Variants in EFCAB11 observed in about 807,000 individuals in gnomAD.
EFCAB11 encodes the protein EF-hand calcium binding domain 11, also known as EF-hand calcium-binding domain-containing protein 11.
In EFCAB11, 14 loss-of-function variants were observed where a neutral mutation model predicts 23.0. That is an observed-to-expected ratio of 0.61 (90% CI 0.40 to 0.95). The LOEUF is 0.95. Ranked by LOEUF, EFCAB11 falls within the 40% of genes least tolerant of loss-of-function variation. The pLI is 0.00. For missense variants in EFCAB11, 198 were observed against 195.8 expected, an observed-to-expected ratio of 1.01 and a Z score of -0.07; for synonymous variants, 65 against 66.6, an observed-to-expected ratio of 0.98 and a Z score of 0.11.
chr14:89,950,759 G>A lies in EFCAB11; in HGVS notation c.172-617C>T, dbSNP rs114119012. Among the ~76,000 whole-genome samples, 457 of 152,142 alleles carry A rather than the reference G, an allele frequency of 3.0e-3. 2 individuals are homozygous for A. The highest frequency in any genetic ancestry group is 0.01 in the African/African-American group (425 of 41,522). ...ACACTGTTACAAGGGCTTTATAAAC[G>A]TTATAGTATTAGAGCCTTCGCAGCA... is the stretch of plus-strand genomic sequence containing the variant. On this transcript the variant is annotated intron_variant, in intron 2 of 5. Coordinates refer to ENST00000316738, the MANE Select transcript of EFCAB11 (RefSeq NM_145231.4).
rs1381304338 is a variant in EFCAB11, at chr14:89,932,601, T to C, written c.244A>G (p.Ile82Val). ...SGILLEGFLN[I>V]VRKKKEAQRY... is the part of the protein sequence containing the mutation. Reference sequence around the variant, plus strand: ...TGAGCTTCCTTCTTTTTCCTGACAATATTTAAAAACCCCTCGAGTAATATA... The same window carrying C: ...TGAGCTTCCTTCTTTTTCCTGACAACATTTAAAAACCCCTCGAGTAATATA... The change falls in exon 4 of 6, where the codon ATT (isoleucine) becomes GTT (valine). Residue 82 changes from isoleucine to valine, a missense_variant. Transcript: ENST00000316738. 11 of 1,613,654 alleles carry C rather than the reference T, an allele frequency of 6.8e-6. No individual in the cohort carries two copies. The highest frequency in any genetic ancestry group is 6.8e-6 in the Non-Finnish European group (8 of 1,179,894).
At chr14:89,849,631 A>T (rs1479084288) in intron 5 of EFCAB11, among the ~76,000 whole-genome samples, 5 of 128,660 alleles carry the variant, frequency 3.9e-5, no homozygotes, top group African/African-American at 6.1e-5. Context: ...TTGGTAAGAT[A>T]CTCTTATTGC....
chr14:89,895,797 A>G (rs1324274260), intron 5 of EFCAB11, among the ~76,000 whole-genome samples: 3 of 152,248 alleles, frequency 2.0e-5, no homozygotes, highest in African/African-American at 4.8e-5. Context: ...TCATAAATTT[A>G]ACCAAACTAA....
At chr14:89,846,293 C>G (rs1368863170) in intron 5 of EFCAB11, among the ~76,000 whole-genome samples, 1 of 152,102 alleles carries the variant, frequency 6.6e-6, no homozygotes, top group Non-Finnish European at 1.5e-5. Flanking sequence ...GATGAACATA[C>G]TAAGAAAAAG....
At chr14:89,941,263 A>G (rs1259796989) in intron 3 of EFCAB11, among the ~76,000 whole-genome samples, 3 of 152,198 alleles carry the variant, frequency 2.0e-5, no homozygotes, top group South Asian at 2.1e-4. Context: ...CCAGAACCAA[A>G]TTTGAAATTA....
chr14:89,940,494 A>C (rs1890752842), intron 3 of EFCAB11, among the ~76,000 whole-genome samples: 1 of 152,242 alleles, frequency 6.6e-6, no homozygotes, highest in Non-Finnish European at 1.5e-5. Flanking sequence ...CCAACTGACC[A>C]TTAACCTACT....
intron 5 of EFCAB11, 126 bp from the exon 6 acceptor site, chr14:89,797,450 G>A: frequency 1.4e-6 from 1 of 714,690 alleles, no homozygotes; most frequent in Non-Finnish European, 2.2e-6. Flanking sequence ...TCTACTTGAA[G>A]GCTGAGATTG....
intron 3 of EFCAB11, among the ~76,000 whole-genome samples, chr14:89,941,596 T>C (rs75360432): frequency 6.6e-6 from 1 of 151,632 alleles, no homozygotes; most frequent in African/African-American, 2.4e-5. Flanking sequence ...TTTTTTTTTT[T>C]TCAGAGATAT....
At chr14:89,803,148 T>C (rs1289657077) in intron 5 of EFCAB11, among the ~76,000 whole-genome samples, 2 of 152,212 alleles carry the variant, frequency 1.3e-5, no homozygotes, top group East Asian at 1.9e-4. Flanking sequence ...ATCACCCCAG[T>C]TGACAACCAT....
chr14:89,854,120 T>C (rs966059280), intron 5 of EFCAB11, among the ~76,000 whole-genome samples: 9 of 150,812 alleles, frequency 6.0e-5, no homozygotes, highest in South Asian at 2.1e-4. Flanking sequence ...TCAACACCCA[T>C]ATGGAAAAAG....
intron 5 of EFCAB11, among the ~76,000 whole-genome samples, chr14:89,891,973 G>A (rs1888984644): frequency 6.6e-6 from 1 of 152,140 alleles, no homozygotes; most frequent in South Asian, 2.1e-4. Flanking sequence ...GGGCTGGGCC[G>A]CGGGTCAAGC....
At chr14:89,825,267 G>C (rs1289308547) in intron 5 of EFCAB11, among the ~76,000 whole-genome samples, 1 of 151,954 alleles carries the variant, frequency 6.6e-6, no homozygotes, top group Non-Finnish European at 1.5e-5. Context: ...GAAAATTCAA[G>C]AAAAATTAGA....
intron 5 of EFCAB11, among the ~76,000 whole-genome samples, chr14:89,885,435 T>C (rs2140180667): frequency 6.6e-6 from 1 of 152,064 alleles, no homozygotes; most frequent in Admixed American, 6.6e-5. Context: ...TCCCAGCACT[T>C]TGGAAGTCTG....
intron 5 of EFCAB11, among the ~76,000 whole-genome samples, chr14:89,909,862 T>C (rs1889616154): frequency 6.6e-6 from 1 of 152,174 alleles, no homozygotes; most frequent in African/African-American, 2.4e-5. Context: ...CCCTCCCTCC[T>C]TCCCTGGCTA....
chr14:89,799,666 C>A (rs981875567), intron 5 of EFCAB11, among the ~76,000 whole-genome samples: 1 of 152,020 alleles, frequency 6.6e-6, no homozygotes, highest in Admixed American at 6.5e-5. Flanking sequence ...CCTCCCACCC[C>A]CCAACCCTGA....
intron 5 of EFCAB11, among the ~76,000 whole-genome samples, chr14:89,822,143 GGAGCTTCTGGTGC>G (rs773561081): frequency 6.6e-4 from 101 of 152,016 alleles, no homozygotes; most frequent in Non-Finnish European, 1.0e-3. Flanking sequence ...TTAAAACACT[GGAGCTTCTGGTGC>G]GACCAGAGAT....
At chr14:89,904,620 T>A (rs1298455800) in intron 5 of EFCAB11, among the ~76,000 whole-genome samples, 3 of 152,160 alleles carry the variant, frequency 2.0e-5, no homozygotes, top group Non-Finnish European at 4.4e-5. Flanking sequence ...TATTTCTCCA[T>A]GTCCTCTCCA....
chr14:89,954,492 C>T, intron 1 of EFCAB11, 94 bp downstream of exon 1: 6 of 1,556,816 alleles, frequency 3.9e-6, no homozygotes, highest in Non-Finnish European at 5.2e-6. Flanking sequence ...GTCTTATCTG[C>T]ACACCCGGCA....
intron 3 of EFCAB11, chr14:89,937,914 G>T (rs779112089): frequency 1.3e-5 from 2 of 151,888 alleles, no homozygotes; most frequent in African/African-American, 2.4e-5. Flanking sequence ...AGACTAGAAA[G>T]ATTATTTTTT....
Sources: gnomAD v4.1 joint callset for allele counts (sites outside exome capture counted in the v4.1 genomes callset) on GRCh38, gnomAD v4.1.1 for gene constraint, MANE v1.5 for transcripts, NCBI Gene and HGNC (gene_info 2026-07-23, HGNC 2026-07-21) for gene names.